Variants in TLE1 observed in about 807,000 individuals in gnomAD.
TLE1 encodes transducin-like enhancer protein 1.
Under a neutral mutation model 89.8 loss-of-function variants are expected in TLE1, and 21 were observed. The observed-to-expected ratio is 0.23, with a 90% confidence interval of 0.17 to 0.34. The LOEUF (loss-of-function observed/expected upper bound fraction) is 0.34. Among genes scored for constraint, TLE1 ranks in the 10% least tolerant of loss-of-function variants. The pLI is 1.00. For missense variants in TLE1, 795 were observed against 1,031.2 expected, an observed-to-expected ratio of 0.77 and a Z score of 3.14; for synonymous variants, 447 against 407.6, an observed-to-expected ratio of 1.10 and a Z score of -1.16.
chr9:81,669,719 C>T (rs564454189), intron 4 of TLE1, among the ~76,000 whole-genome samples: 7 of 152,086 alleles, frequency 4.6e-5, no homozygotes, highest in African/African-American at 7.2e-5. Context: ...ATTAAAGCTG[C>T]TTAATCATTA....
chr9:81,660,470 G>C (rs974724237), intron 4 of TLE1, among the ~76,000 whole-genome samples: 1 of 151,952 alleles, frequency 6.6e-6, no homozygotes, highest in East Asian at 2.0e-4. Context: ...CTGGAGAGCA[G>C]TGGCGCGATC....
intron 8 of TLE1, among the ~76,000 whole-genome samples, chr9:81,624,547 A>ATATTTAATC: frequency 6.6e-6 from 1 of 152,344 alleles, no homozygotes; most frequent in Admixed American, 6.5e-5. Flanking sequence ...TGCCAAATAA[A>ATATTTAATC]TATTTAATCG....
At chr9:81,607,210 C>G (rs916419901) in intron 14 of TLE1, among the ~76,000 whole-genome samples, 1 of 152,090 alleles carries the variant, frequency 6.6e-6, no homozygotes, top group Non-Finnish European at 1.5e-5. Flanking sequence ...TGTCCTTGTC[C>G]TTAGGCACAT....
Position 81,593,061 on chromosome 9 carries a change from A to G in TLE1, c.1545T>C (p.Pro515=), listed in dbSNP as rs1829765176. ...GCVKVWDISH[P]GNKSPVSQLD... ...GCTGGGAGACAGGGCTCTTATTGCCAGGGTGGCTGATGTCCCAGACCTTGA... is the reference window on the plus strand; with the variant it reads ...GCTGGGAGACAGGGCTCTTATTGCCGGGGTGGCTGATGTCCCAGACCTTGA... The change falls in exon 15 of 20, where the codon CCT becomes CCC. Residue 515 remains proline, a synonymous_variant. Transcript: ENST00000376499. 1.9e-6 allele frequency: 3 copies of G among 1,613,862 alleles called. No homozygotes were observed. The highest frequency in any genetic ancestry group is 8.5e-7 in the Non-Finnish European group (1 of 1,179,864).
chr9:81,680,671 C>T (rs1833499477), intron 4 of TLE1, among the ~76,000 whole-genome samples: 1 of 152,012 alleles, frequency 6.6e-6, no homozygotes, highest in Non-Finnish European at 1.5e-5. Context: ...TAATCTTGCA[C>T]CTCGGAATCT....
chr9:81,689,469 C>T lies in TLE1; in HGVS notation c.-1229G>A, dbSNP rs1259949730. On this transcript the variant is annotated 5_prime_UTR_variant, in exon 1 of 20. Coordinates refer to ENST00000376499, the MANE Select transcript of TLE1 (RefSeq NM_005077.5). The stretch of plus-strand genomic sequence containing the variant: ...GGGACGCGGGGCACAGAGTACCCGC[C>T]GCTGTTTCTGCTGCTGCTGCTTCTG... Among the ~76,000 whole-genome samples the T allele has an allele frequency of 6.6e-6, 1 of 152,102 alleles. No individual in the cohort carries two copies. Among genetic ancestry groups the T allele is most frequent in the African/African-American group, 2.4e-5 (1 of 41,432 alleles).
At chr9:81,618,486 T>A (rs1484613211) in intron 9 of TLE1, among the ~76,000 whole-genome samples, 1 of 152,214 alleles carries the variant, frequency 6.6e-6, no homozygotes. Context: ...ATTTTAGCCA[T>A]GGTTACAGGG....
rs371930193 is a variant in TLE1, at chr9:81,620,544, A to G, written c.608T>C (p.Leu203Pro). The G allele has an allele frequency of 1.2e-4, 190 of 1,610,984 alleles. No homozygotes were observed. The highest frequency in any genetic ancestry group is 1.5e-4 in the Non-Finnish European group (181 of 1,179,256). ...DREPGTSNSLLVPDSLRGTDK... is the reference protein window; with the variant it reads ...DREPGTSNSLPVPDSLRGTDK... ...TGTGCCTCTTAGACTGTCTGGGACCAGGAGGGAATTACTCTGCAAGACAAA... is the reference window on the plus strand; with the variant it reads ...TGTGCCTCTTAGACTGTCTGGGACCGGGAGGGAATTACTCTGCAAGACAAA... The change falls in exon 9 of 20, where the codon CTG becomes CCG. Residue 203 changes from leucine to proline, a missense_variant. By Grantham distance (98) the Leu-to-Pro change is moderately conservative (BLOSUM62 -3). Coordinates refer to ENST00000376499, the MANE Select transcript of TLE1 (RefSeq NM_005077.5).
intron 14 of TLE1, among the ~76,000 whole-genome samples, chr9:81,609,187 C>T (rs560762681): frequency 6.6e-6 from 1 of 151,958 alleles, no homozygotes; most frequent in Non-Finnish European, 1.5e-5. Flanking sequence ...CAGGTTCAAG[C>T]GATTCTCTGG....
Position 81,664,813 on chromosome 9 carries a change from G to C in TLE1, c.235-10777C>G, listed in dbSNP as rs537378973. On this transcript the variant is annotated intron_variant, in intron 4 of 19. Transcript: ENST00000376499. The stretch of plus-strand genomic sequence containing the variant: ...CGTACACGAGGATGGTCTTGTGCTT[G>C]TTAATACACAGATGACTAGGCCCAC... 1.6e-3 allele frequency among the ~76,000 whole-genome samples: 244 copies of C among 152,314 alleles called. 1 individual carries two copies. Among genetic ancestry groups the C allele is most frequent in the Non-Finnish European group, 1.7e-3 (115 of 68,046 alleles).
chr9:81,622,907 C>T lies in TLE1; in HGVS notation c.595-2350G>A, dbSNP rs531648616. Among the ~76,000 whole-genome samples the T allele has an allele frequency of 8.8e-4, 134 of 152,268 alleles. 1 individual carries two copies. The highest frequency in any genetic ancestry group is 3.2e-3 in the African/African-American group (132 of 41,568). Reference sequence around the variant, plus strand: ...CTGGCCCACGCAGCTGCCGGACGCCCGGCAGGCTTTCCACCTAAAGTCTAC... The same window carrying T: ...CTGGCCCACGCAGCTGCCGGACGCCTGGCAGGCTTTCCACCTAAAGTCTAC... On this transcript the variant is annotated intron_variant, in intron 8 of 19. Transcript: ENST00000376499.
chr9:81,640,218 T>A (rs947672), intron 6 of TLE1, among the ~76,000 whole-genome samples: 32,437 of 152,126 alleles, frequency 0.21, 4,017 homozygotes, highest in East Asian at 0.48. Flanking sequence ...GTGCCATTAA[T>A]TAGAATTCAT....
intron 6 of TLE1, 101 bp downstream of exon 6, chr9:81,652,113 A>ACACACG (rs750433290): frequency 7.3e-5 from 79 of 1,075,854 alleles, no homozygotes; most frequent in Non-Finnish European, 1.0e-4. Flanking sequence ...AGATACACAC[A>ACACACG]CACACACACA....
At chr9:81,601,906 G>A (rs573791866) in intron 14 of TLE1, among the ~76,000 whole-genome samples, 6 of 152,260 alleles carry the variant, frequency 3.9e-5, no homozygotes, top group African/African-American at 1.4e-4. Flanking sequence ...TTGTTTCCTG[G>A]GTATCTATGC....
At chr9:81,610,355 A>G in intron 13 of TLE1, 59 bp from the exon 14 acceptor site, 1 of 1,268,510 alleles carries the variant, frequency 7.9e-7, no homozygotes, top group Non-Finnish European at 1.1e-6. Context: ...CTTTGTGAAC[A>G]TCAATACTGT....
At chr9:81,665,263 G>A (rs1162707017) in intron 4 of TLE1, among the ~76,000 whole-genome samples, 2 of 152,078 alleles carry the variant, frequency 1.3e-5, no homozygotes, top group Non-Finnish European at 2.9e-5. Flanking sequence ...ATGTAATCTC[G>A]CCCCTTCTTC....
chr9:81,629,084 T>C (rs1244321249), intron 8 of TLE1, among the ~76,000 whole-genome samples: 1 of 152,168 alleles, frequency 6.6e-6, no homozygotes, highest in African/African-American at 2.4e-5. Context: ...TGACATAAAA[T>C]GGATCACTGC....
chr9:81,646,581 A>G (rs187540048), intron 6 of TLE1, among the ~76,000 whole-genome samples: 1 of 152,368 alleles, frequency 6.6e-6, no homozygotes, highest in African/African-American at 2.4e-5. Flanking sequence ...GGCCAACCTC[A>G]TCCTCTTAAA....
At chr9:81,651,637 A>G (rs937006079) in intron 6 of TLE1, among the ~76,000 whole-genome samples, 1 of 152,212 alleles carries the variant, frequency 6.6e-6, no homozygotes, top group African/African-American at 2.4e-5. Flanking sequence ...CAGAAAGCAA[A>G]AGGCAAAAAG....
Sources: allele counts gnomAD v4.1 joint callset (sites outside exome capture counted in the v4.1 genomes callset), GRCh38; gene constraint gnomAD v4.1.1; transcripts MANE v1.5; gene names NCBI Gene and HGNC (gene_info 2026-07-23, HGNC 2026-07-21).